CEP295: variants seen among roughly 807,000 people sequenced by gnomAD.
The protein encoded by CEP295 is centrosomal protein of 295 kDa.
In CEP295, 190 loss-of-function variants were observed where a neutral mutation model predicts 291.6. The observed-to-expected ratio is 0.65, with a 90% CI of 0.58 to 0.73. The LOEUF (loss-of-function observed/expected upper bound fraction) is 0.73, where lower values mean the gene tolerates loss of function less well. Among genes scored for constraint, CEP295 ranks in the 30% least tolerant of loss-of-function variants. CEP295 has a pLI of 0.00. For synonymous variants in CEP295, 993 were observed against 1,038.8 expected (o/e 0.96, Z 0.85); for missense variants, 2,863 against 2,949.4 (o/e 0.97, Z 0.68).
intron 18 of CEP295, among the ~76,000 whole-genome samples, chr11:93,710,843 G>A (rs776952890): frequency 2.0e-5 from 3 of 152,128 alleles, no homozygotes; most frequent in Non-Finnish European, 2.9e-5. Flanking sequence ...AACCTTGGTA[G>A]GTTGTATGTG....
intron 25 of CEP295, 76 bp downstream of exon 25, chr11:93,728,897 G>A: frequency 7.7e-7 from 1 of 1,304,126 alleles, no homozygotes; most frequent in East Asian, 2.6e-5. Context: ...CTTATCAGAA[G>A]GTACTCATTG....
In CEP295 at chr11:93,699,766, G is replaced by C; in HGVS notation, c.4854G>C (p.Glu1618Asp). 6.4e-7 allele frequency: 1 copy of C among 1,552,076 alleles called. No homozygotes were observed. The highest frequency in any genetic ancestry group is 8.7e-7 in the Non-Finnish European group (1 of 1,147,076). ...DAQREVMYSY[E>D]KPQEELSLNK... ...AAAGGGAAGTGATGTATTCTTATGA[G>C]AAACCCCAGGAAGAACTGTCTTTAA... is the stretch of plus-strand genomic sequence containing the variant. The change falls in exon 15 of 30, where the codon GAG becomes GAC. Residue 1618 changes from glutamate to aspartate, a missense_variant. Glu to Asp is a conservative substitution (Grantham distance 45). Around this residue, in one of 3 missense-constraint regions of CEP295, gnomAD observed 2,295 missense variants for 2,335.7 expected, o/e 0.98. Transcript: ENST00000325212.
rs1285340361 is a variant in CEP295 at position 93,728,766 on chromosome 11, T to C, written c.7247T>C (p.Phe2416Ser). The C allele has an allele frequency of 1.5e-5, 23 of 1,550,620 alleles. No individual in the cohort carries two copies. Among genetic ancestry groups the C allele is most frequent in the Admixed American group, 1.4e-4 (7 of 50,850 alleles). The change falls in exon 25 of 30, where the codon TTT (phenylalanine) becomes TCT (serine). Residue 2416 changes from phenylalanine (F) to serine (S), a missense_variant. Physicochemically the swap from Phe to Ser is radical, Grantham distance 155. Around this residue, in one of 3 missense-constraint regions of CEP295, gnomAD observed 2,295 missense variants for 2,335.7 expected, o/e 0.98. Transcript: ENST00000325212. ...TTDTSIAEMDFANLTLEEKSE... is the reference protein window; with the variant it reads ...TTDTSIAEMDSANLTLEEKSE... ...GATACCAGTATTGCTGAAATGGATT[T>C]TGCAAATTTAACCCTAGAAGAGAAG...
At chr11:93,683,879 C>A in intron 8 of CEP295, 85 bp from the exon 9 acceptor site, 1 of 1,451,886 alleles carries the variant, frequency 6.9e-7, no homozygotes, top group Non-Finnish European at 9.2e-7. Flanking sequence ...TAGATTGAGA[C>A]ATTACCGTGG....
In CEP295 at chr11:93,697,744, A is replaced by T. The variant is rs1163728681; in HGVS notation, c.2832A>T (p.Leu944=). 19 of 1,551,704 alleles carry T rather than the reference A, an allele frequency of 1.2e-5. No individual in the cohort carries two copies. Among genetic ancestry groups the T allele is most frequent in the Non-Finnish European group, 1.6e-5 (18 of 1,146,986 alleles). The part of the protein sequence containing the change: ...DKRLSLSQPI[L]SQQNNFKFLQ... ...GTTTGAGTCTTTCACAGCCTATCCT[A>T]TCACAGCAAAATAATTTTAAATTTC... The change falls in exon 15 of 30, where the codon CTA becomes CTT. Residue 944 remains leucine, a synonymous_variant. Coordinates refer to ENST00000325212, the MANE Select transcript of CEP295 (RefSeq NM_033395.2).
At chr11:93,693,070 G>A (rs2135059673) in intron 12 of CEP295, among the ~76,000 whole-genome samples, 1 of 150,056 alleles carries the variant, frequency 6.7e-6, no homozygotes. Flanking sequence ...GAGGTCAGGA[G>A]ATAGAGACCA....
chr11:93,686,712 T>A (rs927329405), intron 9 of CEP295, among the ~76,000 whole-genome samples: 1 of 152,148 alleles, frequency 6.6e-6, no homozygotes, highest in African/African-American at 2.4e-5. Flanking sequence ...AAGTAGGGGC[T>A]GTTTTTAGGG....
rs1227134126 is a variant in CEP295, at chr11:93,700,149, A to T, written c.5237A>T (p.His1746Leu). Residue 1746 changes from histidine to leucine, a missense_variant, in exon 15 of 30, where the codon CAT becomes CTT. This residue lies in a region of CEP295 where 2,295 missense variants were observed against 2,335.7 expected (regional missense o/e 0.98). Coordinates refer to ENST00000325212, the MANE Select transcript of CEP295 (RefSeq NM_033395.2). ...QTALQQQIQK[H>L]EETLKDFFKD... ...GCATTGCAGCAGCAGATACAGAAACATGAAGAGACTTTGAAGGATTTCTTT... is the reference window on the plus strand; with the variant it reads ...GCATTGCAGCAGCAGATACAGAAACTTGAAGAGACTTTGAAGGATTTCTTT... The T allele has an allele frequency of 1.3e-6, 2 of 1,550,356 alleles. No homozygotes were observed. Among genetic ancestry groups the T allele is most frequent in the Admixed American group, 3.9e-5 (2 of 50,660 alleles).
At chr11:93,724,106 A>G (rs1953960749) in intron 21 of CEP295, 148 bp from the exon 22 acceptor site, 1 of 686,572 alleles carries the variant, frequency 1.5e-6, no homozygotes, top group South Asian at 2.1e-5. Flanking sequence ...ATCATGGGGG[A>G]AAAACTGAAG....
In CEP295 at chr11:93,699,096, C is replaced by G; in HGVS notation, c.4184C>G (p.Ser1395Cys). 6.5e-7 allele frequency: 1 copy of G among 1,548,094 alleles called. No homozygotes were observed. The highest frequency in any genetic ancestry group is 8.7e-7 in the Non-Finnish European group (1 of 1,147,094). The stretch of plus-strand genomic sequence containing the variant: ...ATATCTCCCGAGCAGGTTGACACCT[C>G]TTCCTTACCCCTAGTACCACAGCAT... ...GRISPEQVDT[S>C]SLPLVPQHSF... Residue 1395 changes from serine (S) to cysteine (C), a missense_variant, in exon 15 of 30, where the codon TCT becomes TGT. By Grantham distance (112) the Ser-to-Cys change is moderately radical. Around this residue, in one of 3 missense-constraint regions of CEP295, gnomAD observed 2,295 missense variants for 2,335.7 expected, o/e 0.98. Coordinates refer to ENST00000325212, the MANE Select transcript of CEP295 (RefSeq NM_033395.2).
In CEP295 at chr11:93,702,831, A is replaced by C; in HGVS notation, c.5508A>C (p.Lys1836Asn). The C allele has an allele frequency of 6.4e-7, 1 of 1,551,910 alleles. No individual in the cohort carries two copies. Among genetic ancestry groups the C allele is most frequent in the Non-Finnish European group, 8.7e-7 (1 of 1,147,000 alleles). The change falls in exon 17 of 30, where the codon AAA becomes AAC. Residue 1836 changes from lysine (K) to asparagine (N), a missense_variant. Around this residue, in one of 3 missense-constraint regions of CEP295, gnomAD observed 2,295 missense variants for 2,335.7 expected, o/e 0.98. Transcript: ENST00000325212. ...GATCCTCAAAGCCACCTGTAGCAAA[A>C]GTCAAATGTGGTTTGGACTTAAACC... is the stretch of plus-strand genomic sequence containing the variant. ...GRRSSKPPVA[K>N]VKCGLDLNQH...
intron 18 of CEP295, among the ~76,000 whole-genome samples, chr11:93,711,873 T>A (rs1952928396): frequency 6.6e-6 from 1 of 152,044 alleles, no homozygotes; most frequent in Non-Finnish European, 1.5e-5. Context: ...GCCTAACATG[T>A]GGTCTGTCTC....
chr11:93,726,722 G>A (rs1954172406), intron 23 of CEP295: 1 of 326,564 alleles, frequency 3.1e-6, no homozygotes, highest in South Asian at 9.3e-5. Context: ...TCTTATAGAG[G>A]AAAACATCCT....
Position 93,727,336 on chromosome 11 carries a change from G to A in CEP295, c.6860G>A (p.Arg2287Lys). 1 of 1,551,506 alleles carries A rather than the reference G, an allele frequency of 6.4e-7. No individual in the cohort carries two copies. The highest frequency in any genetic ancestry group is 1.2e-5 in the South Asian group (1 of 84,020). ...ATGGGCTTTGAAGAACTATCAAAAAGAGGGGTTGTTACAATGTTACAAAGT... is the reference window on the plus strand; with the variant it reads ...ATGGGCTTTGAAGAACTATCAAAAAAAGGGGTTGTTACAATGTTACAAAGT... ...ESMGFEELSK[R>K]GVVTMLQSQG... Residue 2287 changes from arginine to lysine, a missense_variant, in exon 24 of 30, where the codon AGA becomes AAA. Around this residue, in one of 3 missense-constraint regions of CEP295, gnomAD observed 2,295 missense variants for 2,335.7 expected, o/e 0.98. Coordinates refer to ENST00000325212, the MANE Select transcript of CEP295 (RefSeq NM_033395.2).
intron 12 of CEP295, 119 bp from the exon 13 acceptor site, chr11:93,695,378 A>G (rs1591052081): frequency 1.7e-6 from 1 of 583,172 alleles, no homozygotes; most frequent in Non-Finnish European, 2.7e-6. Context: ...ATCAACACTT[A>G]CTTCTTTGAA....
At chr11:93,719,577 C>T (rs988484734) in intron 18 of CEP295, 1 of 151,998 alleles carries the variant, frequency 6.6e-6, no homozygotes, top group Non-Finnish European at 1.5e-5. Context: ...TGCTTGTTTA[C>T]TAGGTCTACA....
chr11:93,723,976 A>T (rs576037589), intron 21 of CEP295: 63 of 179,486 alleles, frequency 3.5e-4, no homozygotes, highest in African/African-American at 1.2e-3. Flanking sequence ...AAAATTTTTT[A>T]AATTTAAAAA....
chr11:93,669,796 A>T (rs1186044317), intron 5 of CEP295, 26 bp downstream of exon 5: 4 of 1,402,088 alleles, frequency 2.9e-6, no homozygotes, highest in Non-Finnish European at 3.9e-6. Flanking sequence ...AAGAGGAACT[A>T]GGTCATAATT....
At chr11:93,718,524 G>A (rs936693330) in intron 18 of CEP295, among the ~76,000 whole-genome samples, 4 of 152,172 alleles carry the variant, frequency 2.6e-5, no homozygotes, top group African/African-American at 9.7e-5. Context: ...CAGTGACTCT[G>A]ATCTTGCTCC....
Sources: allele counts gnomAD v4.1 joint callset (sites outside exome capture counted in the v4.1 genomes callset), GRCh38; gene constraint gnomAD v4.1.1; regional missense constraint gnomAD v4.1.1; transcripts MANE v1.5; gene names NCBI Gene and HGNC (gene_info 2026-07-23, HGNC 2026-07-21).